The following SSX2IP variants were observed in gnomAD, a reference collection of about 807,000 sequenced individuals.
The protein encoded by SSX2IP is SSX family member 2 interacting protein.
Under a neutral mutation model 84.9 loss-of-function variants are expected in SSX2IP, and 55 were observed. The observed-to-expected ratio is 0.65, with a 90% CI of 0.52 to 0.81. SSX2IP has a LOEUF of 0.81. Among genes scored for constraint, SSX2IP ranks in the 30% least tolerant of loss-of-function variants. SSX2IP has a pLI of 0.00. For missense variants in SSX2IP, 664 were observed against 705.2 expected (o/e 0.94, Z 0.66); for synonymous variants, 239 against 234.7 (o/e 1.02, Z -0.17).
rs545354891 is a variant in SSX2IP, at chr1:84,653,261, T to C, written c.1390-1264A>G. On this transcript the variant is annotated intron_variant, in intron 11 of 13. Coordinates refer to ENST00000342203, the MANE Select transcript of SSX2IP (RefSeq NM_001166293.2). ...AAGAAAAATAATCTATATTGTAAAT[T>C]AGTCACTTGAAAAACAGGACCTATG... 2.6e-5 allele frequency among the ~76,000 whole-genome samples: 4 copies of C among 152,302 alleles called. No individual in the cohort carries two copies. In the East Asian group the frequency reaches 5.8e-4, roughly 22 times the overall value.
chr1:84,666,379 G>T, intron 4 of SSX2IP, 147 bp from the exon 5 acceptor site: 2 of 615,564 alleles, frequency 3.2e-6, no homozygotes, highest in South Asian at 3.9e-5. Flanking sequence ...TTTATTTAAA[G>T]GAATTATTAC....
intron 13 of SSX2IP, 160 bp downstream of exon 13, chr1:84,650,202 A>G: frequency 1.4e-6 from 1 of 704,456 alleles, no homozygotes; most frequent in African/African-American, 1.8e-5. Flanking sequence ...GTGTCTATAT[A>G]TACTGGACAC....
At chr1:84,660,649 C>T (rs1055739749) in intron 8 of SSX2IP, among the ~76,000 whole-genome samples, 8 of 151,874 alleles carry the variant, frequency 5.3e-5, no homozygotes, top group Non-Finnish European at 1.2e-4. Flanking sequence ...CCTGTAATCC[C>T]AGCTACTCTG....
intron 9 of SSX2IP, among the ~76,000 whole-genome samples, chr1:84,657,033 T>C (rs185669409): frequency 6.6e-6 from 1 of 152,306 alleles, no homozygotes; most frequent in African/African-American, 2.4e-5. Flanking sequence ...TTCATTTTGG[T>C]GCTGTAATAA....
chr1:84,664,436 G>T lies in SSX2IP; in HGVS notation c.654C>A (p.Asn218Lys). The T allele has an allele frequency of 1.9e-6, 3 of 1,588,168 alleles. No individual in the cohort carries two copies. Among genetic ancestry groups the T allele is most frequent in the Non-Finnish European group, 1.7e-6 (2 of 1,170,496 alleles). The change falls in exon 6 of 14, where the codon AAC becomes AAA. Residue 218 changes from asparagine (N) to lysine (K), a missense_variant. Physicochemically the swap from Asn to Lys is moderately conservative, Grantham distance 94. Transcript: ENST00000342203. ...GTTTACCTATTTTCTTATCTTTCTT[G>T]TTCATAACAAGTTGATGTAGACGTT... Reference protein sequence around the residue: ...LKERLHQLVMNKKDKKIAMDI... With the variant: ...LKERLHQLVMKKKDKKIAMDI...
At chr1:84,654,411 T>C (rs1449948500) in intron 11 of SSX2IP, among the ~76,000 whole-genome samples, 3 of 152,142 alleles carry the variant, frequency 2.0e-5, no homozygotes, top group African/African-American at 4.8e-5. Flanking sequence ...CTAAATTCTA[T>C]ACACAGCCAA....
At chr1:84,684,249 A>G (rs1655484547) in intron 1 of SSX2IP, among the ~76,000 whole-genome samples, 2 of 152,230 alleles carry the variant, frequency 1.3e-5, no homozygotes, top group South Asian at 4.1e-4. Flanking sequence ...ACAGACCTAC[A>G]GATTCAGAAA....
chr1:84,676,203 A>C (rs1336034461), intron 1 of SSX2IP, among the ~76,000 whole-genome samples: 1 of 152,224 alleles, frequency 6.6e-6, no homozygotes, highest in African/African-American at 2.4e-5. Flanking sequence ...TAAGATTGTC[A>C]GGGAACAAAC....
chr1:84,666,750 G>A (rs1214134616), intron 4 of SSX2IP, among the ~76,000 whole-genome samples: 1 of 152,112 alleles, frequency 6.6e-6, no homozygotes, highest in Admixed American at 6.5e-5. Context: ...CTCCCTGCAA[G>A]TGGTAAAGTC....
At chr1:84,676,835 G>A (rs1046395313) in intron 1 of SSX2IP, among the ~76,000 whole-genome samples, 6 of 142,660 alleles carry the variant, frequency 4.2e-5, no homozygotes, top group Non-Finnish European at 7.5e-5. Context: ...CGATTCTCCT[G>A]CCTCAGCCTT....
chr1:84,648,406 T>C (rs1176727527), intron 13 of SSX2IP, among the ~76,000 whole-genome samples: 1 of 152,212 alleles, frequency 6.6e-6, no homozygotes. Flanking sequence ...AAAAAGCATG[T>C]TTATATTTGT....
chr1:84,667,297 C>G (rs1388415730), intron 4 of SSX2IP, among the ~76,000 whole-genome samples: 1 of 151,490 alleles, frequency 6.6e-6, no homozygotes, highest in African/African-American at 2.4e-5. Context: ...TGAATGGGGT[C>G]TTGAATCCAT....
chr1:84,679,564 C>T (rs1047965952), intron 1 of SSX2IP, among the ~76,000 whole-genome samples: 2 of 152,128 alleles, frequency 1.3e-5, no homozygotes, highest in African/African-American at 2.4e-5. Flanking sequence ...CTCAGAGGCC[C>T]GGGTCAACAG....
chr1:84,676,697 TTCAAGACTCTGTGC>T (rs900531704), intron 1 of SSX2IP, among the ~76,000 whole-genome samples: 1 of 149,256 alleles, frequency 6.7e-6, no homozygotes, highest in Non-Finnish European at 1.5e-5. Flanking sequence ...CAAATCTGAT[TTCAAGACTCTGTGC>T]TCTTTTCCTT....
intron 1 of SSX2IP, among the ~76,000 whole-genome samples, chr1:84,672,207 C>T (rs925107278): frequency 5.3e-5 from 8 of 152,074 alleles, no homozygotes; most frequent in African/African-American, 1.9e-4. Flanking sequence ...CAATTGATTT[C>T]AAGGTCAGGG....
chr1:84,689,809 T>A (rs778019182), intron 1 of SSX2IP, among the ~76,000 whole-genome samples: 1 of 152,222 alleles, frequency 6.6e-6, no homozygotes, highest in Non-Finnish European at 1.5e-5. Context: ...TTTTCACACA[T>A]GCCTGCCTCT....
At chr1:84,675,114 T>C (rs568159972) in intron 1 of SSX2IP, among the ~76,000 whole-genome samples, 3 of 152,274 alleles carry the variant, frequency 2.0e-5, no homozygotes, top group Non-Finnish European at 2.9e-5. Flanking sequence ...ATAAATATAA[T>C]ACCATCACAA....
chr1:84,651,861 A>G, intron 12 of SSX2IP, 22 bp downstream of exon 12: 1 of 1,427,688 alleles, frequency 7.0e-7, no homozygotes, highest in Non-Finnish European at 9.8e-7. Flanking sequence ...TGTTCAAATT[A>G]AAGAGTTTAT....
chr1:84,661,548 T>A (rs1651983119), intron 8 of SSX2IP, among the ~76,000 whole-genome samples: 2 of 152,220 alleles, frequency 1.3e-5, no homozygotes, highest in African/African-American at 4.8e-5. Flanking sequence ...ACACATGTAA[T>A]AATCACTTCT....
Sources: gnomAD v4.1 joint callset for allele counts (sites outside exome capture counted in the v4.1 genomes callset) on GRCh38, gnomAD v4.1.1 for gene constraint, MANE v1.5 for transcripts, NCBI Gene and HGNC (gene_info 2026-07-23, HGNC 2026-07-21) for gene names.